Variants in VSTM4 observed in about 807,000 individuals in gnomAD.
The protein encoded by VSTM4 is V-set and transmembrane domain containing 4.
VSTM4 carries 20 observed loss-of-function variants against 36.4 expected under a neutral mutation model. That is an observed-to-expected ratio of 0.55 (90% CI 0.39 to 0.80). VSTM4 has a LOEUF of 0.80. Ranked by LOEUF, VSTM4 falls within the 30% of genes least tolerant of loss-of-function variation. The pLI is 0.00. For missense variants in VSTM4, 392 were observed against 404.5 expected, an observed-to-expected ratio of 0.97 and a Z score of 0.26; for synonymous variants, 182 against 173.9, an observed-to-expected ratio of 1.05 and a Z score of -0.37.
At chr10:49,051,355 TC>T (rs2131963580) in intron 5 of VSTM4, among the ~76,000 whole-genome samples, 1 of 151,968 alleles carries the variant, frequency 6.6e-6, no homozygotes, top group South Asian at 2.1e-4. Flanking sequence ...CAATTACCCT[TC>T]CTCCGTGACT....
intron 7 of VSTM4, among the ~76,000 whole-genome samples, chr10:49,033,023 G>T (rs898401077): frequency 6.6e-6 from 1 of 151,776 alleles, no homozygotes; most frequent in African/African-American, 2.4e-5. Flanking sequence ...TAAAAATGAG[G>T]CTATACTTTC....
chr10:49,020,378 A>G (rs993538676), intron 7 of VSTM4, among the ~76,000 whole-genome samples: 1 of 152,168 alleles, frequency 6.6e-6, no homozygotes, highest in African/African-American at 2.4e-5. Context: ...TTAGAAAAAG[A>G]GGAATAAAAT....
chr10:49,110,818 C>G (rs1844879826), intron 1 of VSTM4, among the ~76,000 whole-genome samples: 1 of 152,144 alleles, frequency 6.6e-6, no homozygotes, highest in South Asian at 2.1e-4. Context: ...GATTTCCAGA[C>G]TCCAAAATGT....
At chr10:49,049,844 G>A (rs918743323) in intron 5 of VSTM4, among the ~76,000 whole-genome samples, 7 of 152,052 alleles carry the variant, frequency 4.6e-5, no homozygotes, top group African/African-American at 1.7e-4. Flanking sequence ...GCACTCAAAA[G>A]TATTGCTGGC....
intron 6 of VSTM4, among the ~76,000 whole-genome samples, chr10:49,047,277 ACT>A (rs1843627563): frequency 6.6e-6 from 1 of 151,630 alleles, no homozygotes. Flanking sequence ...TCTGCATAAA[ACT>A]CTGCCAGCTA....
chr10:49,046,349 T>C (rs1843610795), intron 7 of VSTM4, among the ~76,000 whole-genome samples: 1 of 152,230 alleles, frequency 6.6e-6, no homozygotes, highest in Non-Finnish European at 1.5e-5. Context: ...AAATCTGTCT[T>C]GGATTGTTGG....
At chr10:49,043,444 G>A (rs1843552465) in intron 7 of VSTM4, among the ~76,000 whole-genome samples, 1 of 152,168 alleles carries the variant, frequency 6.6e-6, no homozygotes, top group Non-Finnish European at 1.5e-5. Flanking sequence ...CAGTCATGAG[G>A]TTGGCATTTA....
chr10:49,094,552 G>A (rs1360762893), intron 2 of VSTM4, among the ~76,000 whole-genome samples: 1 of 152,204 alleles, frequency 6.6e-6, no homozygotes, highest in Non-Finnish European at 1.5e-5. Flanking sequence ...TTTAATAGGA[G>A]AGGAAAATGT....
intron 1 of VSTM4, among the ~76,000 whole-genome samples, chr10:49,111,622 C>T (rs548325665): frequency 4.0e-4 from 61 of 152,308 alleles, no homozygotes; most frequent in Middle Eastern, 6.8e-3. Context: ...CCCTGTGTTG[C>T]GGAGAATTGA....
chr10:49,085,104 T>C (rs1844346965), intron 3 of VSTM4, among the ~76,000 whole-genome samples: 1 of 152,242 alleles, frequency 6.6e-6, no homozygotes, highest in Non-Finnish European at 1.5e-5. Flanking sequence ...GATGTCTTGT[T>C]AAACCCCGGA....
chr10:49,085,204 A>G (rs1418854705), intron 3 of VSTM4, among the ~76,000 whole-genome samples: 1 of 152,254 alleles, frequency 6.6e-6, no homozygotes, highest in African/African-American at 2.4e-5. Context: ...CAGGTGATGC[A>G]TATGCTGCCG....
At chr10:49,074,879 G>T (rs1688856876) in intron 4 of VSTM4, among the ~76,000 whole-genome samples, 1 of 152,196 alleles carries the variant, frequency 6.6e-6, no homozygotes, top group Admixed American at 6.5e-5. Context: ...CACTCCAGCA[G>T]TTGAGAGGCT....
At chr10:49,025,446 C>T (rs1843245834) in intron 7 of VSTM4, among the ~76,000 whole-genome samples, 1 of 152,098 alleles carries the variant, frequency 6.6e-6, no homozygotes, top group Admixed American at 6.5e-5. Context: ...AGGAGCAGGG[C>T]TGGAGGAGAA....
chr10:49,060,261 GT>G (rs1843853248), intron 5 of VSTM4, among the ~76,000 whole-genome samples: 2 of 152,188 alleles, frequency 1.3e-5, no homozygotes, highest in Admixed American at 6.5e-5. Flanking sequence ...TAACTTAAAG[GT>G]TTTAAGAAAC....
chr10:49,090,206 A>G (rs1245845707), intron 2 of VSTM4, among the ~76,000 whole-genome samples: 1 of 152,256 alleles, frequency 6.6e-6, no homozygotes, highest in East Asian at 1.9e-4. Flanking sequence ...CAATGAGTTC[A>G]GCAATCAGAA....
At chr10:49,030,888 C>G (rs1590070537) in intron 7 of VSTM4, among the ~76,000 whole-genome samples, 1 of 152,168 alleles carries the variant, frequency 6.6e-6, no homozygotes. Flanking sequence ...GTTTTGGAAG[C>G]TAAAATGTGA....
At chr10:49,038,005 T>C (rs1843459965) in intron 7 of VSTM4, among the ~76,000 whole-genome samples, 1 of 151,954 alleles carries the variant, frequency 6.6e-6, no homozygotes, top group South Asian at 2.1e-4. Flanking sequence ...TGTGTGCTCT[T>C]TGTAGGAATG....
intron 3 of VSTM4, among the ~76,000 whole-genome samples, chr10:49,083,644 G>A (rs1844318807): frequency 1.3e-5 from 2 of 152,204 alleles, no homozygotes; most frequent in African/African-American, 4.8e-5. Context: ...AGCACATACT[G>A]GGCTACAGAT....
intron 5 of VSTM4, among the ~76,000 whole-genome samples, chr10:49,052,526 T>C (rs368194727): frequency 2.9e-5 from 4 of 138,004 alleles, no homozygotes; most frequent in South Asian, 5.1e-4. Flanking sequence ...GCAAGCAACT[T>C]TTACACCATT....
Sources: allele counts gnomAD v4.1 joint callset (sites outside exome capture counted in the v4.1 genomes callset), GRCh38; gene constraint gnomAD v4.1.1; transcripts MANE v1.5; gene names NCBI Gene and HGNC (gene_info 2026-07-23, HGNC 2026-07-21).